Variants in RPH3A observed in about 807,000 individuals in gnomAD.
RPH3A encodes rabphilin 3A.
RPH3A carries 48 observed loss-of-function variants against 102.2 expected under a neutral mutation model. The ratio of observed to expected loss-of-function variants is 0.47; its 90% confidence interval spans 0.37 to 0.60. The LOEUF (loss-of-function observed/expected upper bound fraction) is 0.60. RPH3A is among the 20% of genes least tolerant of loss of function. The probability of loss-of-function intolerance (pLI) is 0.00; values close to 1 mark genes in which losing one functional copy is unlikely to be tolerated. For missense variants in RPH3A, 781 were observed against 910.1 expected (o/e 0.86, Z 1.83); for synonymous variants, 310 against 324.3 (o/e 0.96, Z 0.47).
At chr12:112,698,105 C>A (rs1044597240) in intron 1 of RPH3A, among the ~76,000 whole-genome samples, 6 of 152,002 alleles carry the variant, frequency 3.9e-5, no homozygotes, top group South Asian at 2.1e-4. Flanking sequence ...GAAATAGACC[C>A]GCACATATTT....
intron 18 of RPH3A, 126 bp from the exon 19 acceptor site, chr12:112,890,723 T>G: frequency 9.7e-7 from 1 of 1,034,132 alleles, no homozygotes; most frequent in Non-Finnish European, 1.4e-6. Context: ...CTGCTGTCCC[T>G]GGTACTGGCT....
rs144829339 is a variant in RPH3A at position 112,658,268 on chromosome 12, C to T, written c.-140+82949C>T. 2.1e-3 allele frequency among the ~76,000 whole-genome samples: 319 copies of T among 152,222 alleles called. 2 individuals carry two copies. Among genetic ancestry groups the T allele is most frequent in the African/African-American group, 7.2e-3 (300 of 41,518 alleles). Reference sequence around the variant, plus strand: ...CTGGGACCACTGCAACCTCCACCTCCCCAGTTCAAATGATACTTGTGCCTC... The same window carrying T: ...CTGGGACCACTGCAACCTCCACCTCTCCAGTTCAAATGATACTTGTGCCTC... On this transcript the variant is annotated intron_variant, in intron 1 of 21. Transcript: ENST00000543106.
intron 1 of RPH3A, among the ~76,000 whole-genome samples, chr12:112,714,319 G>T (rs369876163): frequency 6.6e-6 from 1 of 152,146 alleles, no homozygotes; most frequent in Non-Finnish European, 1.5e-5. Context: ...GATTCATGAG[G>T]CGAGGAGCTG....
chr12:112,868,812 C>A, intron 8 of RPH3A: 1 of 477,746 alleles, frequency 2.1e-6, no homozygotes, highest in Non-Finnish European at 3.7e-6. Context: ...CCAAGCCGCC[C>A]AGAGGCTTCA....
chr12:112,701,965 C>A (rs1187856415), intron 1 of RPH3A, among the ~76,000 whole-genome samples: 1 of 152,188 alleles, frequency 6.6e-6, no homozygotes, highest in African/African-American at 2.4e-5. Flanking sequence ...TTCCCCATCA[C>A]CTCCATTTTT....
intron 1 of RPH3A, among the ~76,000 whole-genome samples, chr12:112,659,717 A>G (rs912282975): frequency 6.6e-6 from 1 of 152,194 alleles, no homozygotes; most frequent in Non-Finnish European, 1.5e-5. Flanking sequence ...CTATCTATCC[A>G]TCAGTTGATC....
chr12:112,712,009 T>G (rs2040466206), intron 1 of RPH3A, among the ~76,000 whole-genome samples: 1 of 152,112 alleles, frequency 6.6e-6, no homozygotes, highest in South Asian at 2.1e-4. Context: ...ATTTTGTATT[T>G]TTAGTAGAGA....
At chr12:112,578,028 G>C (rs2039371681) in intron 1 of RPH3A, among the ~76,000 whole-genome samples, 1 of 152,142 alleles carries the variant, frequency 6.6e-6, no homozygotes, top group Non-Finnish European at 1.5e-5. Flanking sequence ...CTTCCCCTCT[G>C]AGTTATAATG....
At chr12:112,747,571 C>T (rs2040757657) in intron 1 of RPH3A, among the ~76,000 whole-genome samples, 1 of 152,082 alleles carries the variant, frequency 6.6e-6, no homozygotes, top group East Asian at 1.9e-4. Flanking sequence ...TAGAACAGTG[C>T]CTGGCACATA....
chr12:112,822,258 G>A (rs189560009), intron 2 of RPH3A, among the ~76,000 whole-genome samples: 3 of 152,340 alleles, frequency 2.0e-5, no homozygotes, highest in Non-Finnish European at 4.4e-5. Context: ...TTAATTCCAA[G>A]ACTGTTGGGA....
At chr12:112,794,540 C>A (rs2041188698) in intron 2 of RPH3A, among the ~76,000 whole-genome samples, 1 of 152,112 alleles carries the variant, frequency 6.6e-6, no homozygotes, top group African/African-American at 2.4e-5. Context: ...GATTTTGCAG[C>A]ACTTGAAGGC....
intron 21 of RPH3A, among the ~76,000 whole-genome samples, chr12:112,896,151 A>G (rs2043176373): frequency 1.3e-5 from 2 of 152,270 alleles, no homozygotes; most frequent in African/African-American, 4.8e-5. Context: ...AGCAGGGTGC[A>G]AAAGAATTCT....
intron 1 of RPH3A, among the ~76,000 whole-genome samples, chr12:112,652,806 C>T (rs1252667837): frequency 1.3e-5 from 2 of 152,206 alleles, no homozygotes; most frequent in African/African-American, 2.4e-5. Context: ...AAGACCTCTG[C>T]CCTCAAAGAG....
At chr12:112,740,024 C>G (rs886901997) in intron 1 of RPH3A, among the ~76,000 whole-genome samples, 1 of 152,156 alleles carries the variant, frequency 6.6e-6, no homozygotes, top group Admixed American at 6.5e-5. Context: ...AGCCTCAGCT[C>G]CCTCCTTACC....
intron 19 of RPH3A, chr12:112,892,732 C>G (rs1247063230): frequency 6.6e-6 from 1 of 152,164 alleles, no homozygotes; most frequent in Non-Finnish European, 1.5e-5. Context: ...TAATAAATAC[C>G]TGCCATTATG....
intron 1 of RPH3A, among the ~76,000 whole-genome samples, chr12:112,778,180 T>C (rs1255114839): frequency 2.0e-5 from 3 of 152,226 alleles, no homozygotes; most frequent in African/African-American, 7.2e-5. Flanking sequence ...AAACAGATTT[T>C]AGTTTCCCTT....
At chr12:112,781,623 GAGTA>G (rs2041008238) in intron 1 of RPH3A, among the ~76,000 whole-genome samples, 2 of 152,208 alleles carry the variant, frequency 1.3e-5, no homozygotes, top group Non-Finnish European at 2.9e-5. Flanking sequence ...CGTTGGCCCA[GAGTA>G]AGAACCTCTC....
At chr12:112,700,922 C>A (rs769943808) in intron 1 of RPH3A, among the ~76,000 whole-genome samples, 36 of 152,184 alleles carry the variant, frequency 2.4e-4, no homozygotes, top group Non-Finnish European at 4.7e-4. Flanking sequence ...ATCCCCAGCA[C>A]AGCCCTCTCT....
chr12:112,634,517 C>T (rs1439692097), intron 1 of RPH3A, among the ~76,000 whole-genome samples: 2 of 145,502 alleles, frequency 1.4e-5, no homozygotes, highest in Non-Finnish European at 3.0e-5. Context: ...AATTGCACCA[C>T]TGCACTCAAG....
Sources: gnomAD v4.1 joint callset for allele counts (sites outside exome capture counted in the v4.1 genomes callset) on GRCh38, gnomAD v4.1.1 for gene constraint, MANE v1.5 for transcripts, NCBI Gene and HGNC (gene_info 2026-07-23, HGNC 2026-07-21) for gene names.